ANXA5: variants seen among roughly 807,000 people sequenced by gnomAD.
ANXA5 encodes the protein CBP-I.
In ANXA5, 40 loss-of-function variants were observed where a neutral mutation model predicts 48.1. The observed-to-expected ratio is 0.83, with a 90% CI of 0.65 to 1.08. The LOEUF is 1.08. Ranked by LOEUF, ANXA5 falls within the 50% of genes least tolerant of loss-of-function variation. The pLI is 0.00. For synonymous variants in ANXA5, 113 were observed against 129.1 expected, an observed-to-expected ratio of 0.88 and a Z score of 0.85; for missense variants, 357 against 376.8, an observed-to-expected ratio of 0.95 and a Z score of 0.44.
intron 2 of ANXA5, among the ~76,000 whole-genome samples, chr4:121,694,488 G>A (rs957025443): frequency 5.9e-5 from 9 of 152,066 alleles, no homozygotes; most frequent in African/African-American, 2.2e-4. Flanking sequence ...GGGTTCAAGT[G>A]ATTCTCCTGC....
rs773115198 is a variant in ANXA5 at position 121,686,294 on chromosome 4, C to G, written c.88G>C (p.Gly30Arg). The G allele has an allele frequency of 1.2e-6, 2 of 1,613,452 alleles. No individual in the cohort carries two copies. Among genetic ancestry groups the G allele is most frequent in the Non-Finnish European group, 1.7e-6 (2 of 1,179,790 alleles). The change falls in exon 3 of 13, where the codon GGC (glycine) becomes CGC (arginine). Residue 30 changes from glycine (G) to arginine (R), a missense_variant. Coordinates refer to ENST00000296511, the MANE Select transcript of ANXA5 (RefSeq NM_001154.4). ...AAGAGGAAGCTAAATTTACCCAAGC[C>G]TTTCATAGCCTTCCGAAGAGTTTCT... ...DAETLRKAMK[G>R]LGTDEESILT...
At chr4:121,685,034 G>A (rs796998721) in intron 3 of ANXA5, among the ~76,000 whole-genome samples, 9 of 135,902 alleles carry the variant, frequency 6.6e-5, no homozygotes, top group African/African-American at 1.4e-4. Context: ...AAAAAAATAT[G>A]TATATATATA....
intron 12 of ANXA5, 118 bp downstream of exon 12, chr4:121,669,484 T>A: frequency 8.0e-7 from 1 of 1,247,724 alleles, no homozygotes; most frequent in South Asian, 1.4e-5. Flanking sequence ...ATTGCTCTAA[T>A]CGTGTCACTA....
At chr4:121,683,248 ACT>A (rs1724822838) in intron 5 of ANXA5, 114 bp downstream of exon 5, 1 of 542,700 alleles carries the variant, frequency 1.8e-6, no homozygotes, top group African/African-American at 2.0e-5. Flanking sequence ...CTGCCAAGCA[ACT>A]CTCACTGAAA....
rs1240716222 is a variant in ANXA5, at chr4:121,671,624, G to A, written c.644C>T (p.Thr215Ile). Residue 215 changes from threonine to isoleucine, a missense_variant, in exon 10 of 13, where the codon ACT becomes ATT. Transcript: ENST00000296511. ...TTCCTCAATTTGAAATCCTGATATAGTCATGTACTTGTCAAACACTAGAAA... is the reference window on the plus strand; with the variant it reads ...TTCCTCAATTTGAAATCCTGATATAATCATGTACTTGTCAAACACTAGAAA... ...HLRKVFDKYMTISGFQIEETI... is the reference protein window; with the variant it reads ...HLRKVFDKYMIISGFQIEETI... The A allele has an allele frequency of 1.2e-5, 20 of 1,611,838 alleles. No individual in the cohort carries two copies. Among genetic ancestry groups the A allele is most frequent in the Admixed American group, 3.3e-5 (2 of 59,986 alleles).
intron 8 of ANXA5, among the ~76,000 whole-genome samples, chr4:121,676,950 G>C (rs1329367906): frequency 2.6e-5 from 4 of 152,192 alleles, no homozygotes; most frequent in African/African-American, 9.7e-5. Flanking sequence ...TTCTAAGACA[G>C]AGTGAAGCAA....
chr4:121,678,553 G>T, intron 6 of ANXA5, 59 bp from the exon 7 acceptor site: 1 of 1,353,886 alleles, frequency 7.4e-7, no homozygotes, highest in Non-Finnish European at 1.0e-6. Flanking sequence ...AAGTAATCTT[G>T]CCCCATTAAT....
At chr4:121,677,651 AC>A (rs1724720665) in intron 8 of ANXA5, among the ~76,000 whole-genome samples, 1 of 152,306 alleles carries the variant, frequency 6.6e-6, no homozygotes, top group Admixed American at 6.5e-5. Context: ...ACAAAAAAAA[AC>A]ATGTCTAGTT....
intron 4 of ANXA5, among the ~76,000 whole-genome samples, chr4:121,684,336 CAT>C (rs1306993334): frequency 1.3e-5 from 2 of 152,108 alleles, no homozygotes; most frequent in Non-Finnish European, 2.9e-5. Flanking sequence ...TAAAACAAAA[CAT>C]ATTTTAATAC....
At chr4:121,686,206 TA>T in intron 3 of ANXA5, 81 bp downstream of exon 3, 2 of 1,066,596 alleles carry the variant, frequency 1.9e-6, no homozygotes, top group Non-Finnish European at 2.8e-6. Flanking sequence ...CAAAATATTC[TA>T]AAATTATTCT....
chr4:121,694,105 G>GC (rs1356612833), intron 2 of ANXA5, among the ~76,000 whole-genome samples: 2 of 45,254 alleles, frequency 4.4e-5, no homozygotes, highest in Non-Finnish European at 8.9e-5. Flanking sequence ...TTGTGGGCGG[G>GC]GGGGAGGGGG....
intron 8 of ANXA5, among the ~76,000 whole-genome samples, chr4:121,677,094 T>C (rs1246776469): frequency 6.6e-6 from 1 of 152,176 alleles, no homozygotes; most frequent in Non-Finnish European, 1.5e-5. Flanking sequence ...TCCTCTTTCC[T>C]GTTAGCAAAG....
At position 121,669,728 on chromosome 4, in the gene ANXA5, T is replaced by TAAA. The variant is rs71599153; in HGVS notation, c.781-7_781-5dup. On this transcript the variant is annotated splice_region_variant and splice_polypyrimidine_tract_variant and intron_variant, in intron 11 of 12. Transcript: ENST00000296511. Reference sequence around the variant, plus strand: ...TATGATCATCTGTCCCAGCTCCCTTTAAAAAAAAAAAAAAAGAGAGAAGCA... The same window carrying TAAA: ...TATGATCATCTGTCCCAGCTCCCTTTAAAAAAAAAAAAAAAAAAGAGAGAAGCA... The TAAA allele has an allele frequency of 6.3e-5, 94 of 1,503,046 alleles. No homozygotes were observed. Among genetic ancestry groups the TAAA allele is most frequent in the Admixed American group, 2.2e-4 (10 of 45,194 alleles). 93.1% of individuals were successfully genotyped at this position (1,503,046 alleles called of 1,614,324 possible). A position where few individuals can be genotyped will look rare whatever the true frequency, so the allele number is the denominator to read the frequency against.
intron 6 of ANXA5, among the ~76,000 whole-genome samples, chr4:121,680,978 T>A (rs549677034): frequency 3.3e-5 from 5 of 152,106 alleles, no homozygotes; most frequent in African/African-American, 1.2e-4. Flanking sequence ...AGGCTTGGAG[T>A]CTGTTGACTG....
In ANXA5 at chr4:121,683,481, A is replaced by T; in HGVS notation, c.190-4T>A. On this transcript the variant is annotated splice_polypyrimidine_tract_variant and splice_region_variant and intron_variant, in intron 4 of 12. Transcript: ENST00000296511. The stretch of plus-strand genomic sequence containing the variant: ...ATTTCAGGTCATCCAGAAGATCCTA[A>T]CCCACAGAAAATACAAATTTGTTAA... The T allele has an allele frequency of 6.5e-7, 1 of 1,534,500 alleles. No homozygotes were observed.
At chr4:121,683,242 C>A (rs1159363223) in intron 5 of ANXA5, 122 bp downstream of exon 5, 3 of 521,388 alleles carry the variant, frequency 5.8e-6, no homozygotes, top group African/African-American at 4.0e-5. Context: ...TTTTGTCTGC[C>A]AAGCAACTCT....
intron 8 of ANXA5, among the ~76,000 whole-genome samples, chr4:121,677,341 C>A (rs1724715665): frequency 6.6e-6 from 1 of 152,088 alleles, no homozygotes; most frequent in South Asian, 2.1e-4. Flanking sequence ...GTTTTATTAA[C>A]CAGACTGAGA....
rs759419433 is a variant in ANXA5 at position 121,684,733 on chromosome 4, G to A, written c.133C>T (p.Arg45Ter). The A allele has an allele frequency of 6.4e-5, 103 of 1,613,808 alleles. No individual in the cohort carries two copies. Among genetic ancestry groups the A allele is most frequent in the Non-Finnish European group, 7.4e-5 (87 of 1,179,940 alleles). Residue 45 changes from arginine (R) to a stop codon, truncating the protein, a stop_gained, in exon 4 of 13, where the codon CGA becomes TGA. Coordinates refer to ENST00000296511, the MANE Select transcript of ANXA5 (RefSeq NM_001154.4). LOFTEE classifies it high-confidence loss of function. ...ATTTCCTGGCGCTGAGCATTACTTC[G>A]GGATGTCAACAGAGTCAGGATGCTC... ...EESILTLLTS[R>*]SNAQRQEISA...
At chr4:121,688,085 A>G (rs138974416) in intron 2 of ANXA5, among the ~76,000 whole-genome samples, 2 of 152,294 alleles carry the variant, frequency 1.3e-5, no homozygotes, top group African/African-American at 4.8e-5. Context: ...TGAGATCAGC[A>G]TCCTTGTAAG....
Sources: gnomAD v4.1 joint callset for allele counts (sites outside exome capture counted in the v4.1 genomes callset) on GRCh38, gnomAD v4.1.1 for gene constraint, MANE v1.5 for transcripts, NCBI Gene and HGNC (gene_info 2026-07-23, HGNC 2026-07-21) for gene names.